SLC38A12: variants seen among roughly 807,000 people sequenced by gnomAD.
The protein encoded by SLC38A12 is putative sodium-coupled neutral amino acid transporter 12.
At chr17:74,784,364 A>G in the SLC38A12 span, among the ~76,000 whole-genome samples, 1 of 152,210 alleles carries the variant, frequency 6.6e-6, no homozygotes, top group African/African-American at 2.4e-5. Context: ...AGCCAGAGTT[A>G]GCCACTAAAG....
chr17:74,809,979 T>C, the SLC38A12 span, among the ~76,000 whole-genome samples: 39 of 152,318 alleles, frequency 2.6e-4, no homozygotes, highest in Admixed American at 5.9e-4. Flanking sequence ...CAGCCCCTGG[T>C]TGCTGAGCTC....
chr17:74,798,052 A>G, the SLC38A12 span, among the ~76,000 whole-genome samples: 1 of 152,186 alleles, frequency 6.6e-6, no homozygotes, highest in Non-Finnish European at 1.5e-5. Flanking sequence ...GATTTCACTC[A>G]GTGTTCAGCA....
chr17:74,826,351 T>C, the SLC38A12 span, among the ~76,000 whole-genome samples: 3 of 152,218 alleles, frequency 2.0e-5, no homozygotes, highest in African/African-American at 7.2e-5. Flanking sequence ...CTCAGTCCTT[T>C]GGGCTAAATA....
the SLC38A12 span, among the ~76,000 whole-genome samples, chr17:74,789,543 CAAAAAAAAA>C: frequency 1.4e-4 from 16 of 110,708 alleles, no homozygotes; most frequent in East Asian, 5.7e-4. Flanking sequence ...GCAAGCATTT[CAAAAAAAAA>C]AAAAAAAAAG....
chr17:74,817,587 G>A, the SLC38A12 span, among the ~76,000 whole-genome samples: 20 of 152,280 alleles, frequency 1.3e-4, no homozygotes, highest in Admixed American at 1.3e-4. Flanking sequence ...ATTAAATAGA[G>A]GGATGCTGTC....
At chr17:74,791,148 G>A in the SLC38A12 span, 2 of 929,468 alleles carry the variant, frequency 2.2e-6, no homozygotes, top group Non-Finnish European at 3.3e-6. Context: ...ATGGGGCAGA[G>A]CAGGTGGTAG....
the SLC38A12 span, among the ~76,000 whole-genome samples, chr17:74,800,388 T>G: frequency 2.0e-5 from 3 of 152,228 alleles, no homozygotes; most frequent in African/African-American, 7.2e-5. Flanking sequence ...AAGGCCAGCT[T>G]TTCCTGGGCA....
At chr17:74,777,222 C>T in the SLC38A12 span, 1 of 1,294,166 alleles carries the variant, frequency 7.7e-7, no homozygotes, top group Non-Finnish European at 1.1e-6. Flanking sequence ...CCACCCCTGT[C>T]TCAGTCCATC....
At chr17:74,795,550 G>A in the SLC38A12 span, 5 of 1,614,108 alleles carry the variant, frequency 3.1e-6, no homozygotes, top group African/African-American at 2.7e-5. Flanking sequence ...GACTCCTGCG[G>A]TGTGGAAGCA....
At chr17:74,815,632 G>A in the SLC38A12 span, among the ~76,000 whole-genome samples, 3 of 152,150 alleles carry the variant, frequency 2.0e-5, no homozygotes, top group Non-Finnish European at 2.9e-5. Context: ...ACGCAGAGTC[G>A]GAGCCTTTCT....
the SLC38A12 span, chr17:74,836,666 C>T: frequency 6.2e-7 from 1 of 1,604,832 alleles, no homozygotes; most frequent in Non-Finnish European, 8.5e-7. This position sits in a 1 kb window ranked among gnomAD's most constrained non-coding sequence, Gnocchi z 4.2. Flanking sequence ...CCAATATCAT[C>T]CTCAGCGAGA....
chr17:74,832,724 C>G, the SLC38A12 span, among the ~76,000 whole-genome samples: 1 of 152,246 alleles, frequency 6.6e-6, no homozygotes, highest in Non-Finnish European at 1.5e-5. Context: ...AAGGGGAGTT[C>G]ACGAAAGCCC....
chr17:74,807,798 A>T, the SLC38A12 span, among the ~76,000 whole-genome samples: 1 of 152,098 alleles, frequency 6.6e-6, no homozygotes, highest in Non-Finnish European at 1.5e-5. Flanking sequence ...TCTGTTCCTC[A>T]CGTCCCACAG....
the SLC38A12 span, among the ~76,000 whole-genome samples, chr17:74,835,539 G>A: frequency 1.9e-4 from 29 of 152,302 alleles, no homozygotes; most frequent in East Asian, 2.5e-3. Context: ...TGCTCCCTGC[G>A]AGGAAGCTGG....
At chr17:74,807,373 G>A in the SLC38A12 span, among the ~76,000 whole-genome samples, 12 of 152,370 alleles carry the variant, frequency 7.9e-5, no homozygotes, top group East Asian at 7.7e-4. Flanking sequence ...CCATCGCAGC[G>A]TGGTTGCTCC....
the SLC38A12 span, chr17:74,788,919 AC>A: frequency 3.8e-5 from 59 of 1,560,964 alleles, no homozygotes; most frequent in Non-Finnish European, 2.0e-5. Flanking sequence ...TCCGTCAGGT[AC>A]CCAGCAGGCG....
the SLC38A12 span, among the ~76,000 whole-genome samples, chr17:74,791,629 G>A: frequency 1.8e-4 from 28 of 152,360 alleles, 1 homozygote; most frequent in Admixed American, 1.2e-3. Flanking sequence ...CTATGCGCAC[G>A]CCTGGGCGTG....
the SLC38A12 span, among the ~76,000 whole-genome samples, chr17:74,781,570 T>C: frequency 6.6e-6 from 1 of 152,324 alleles, no homozygotes; most frequent in East Asian, 1.9e-4. Flanking sequence ...TGAGCCACCA[T>C]ACCTAGCCTA....
the SLC38A12 span, among the ~76,000 whole-genome samples, chr17:74,798,128 C>G: frequency 2.6e-5 from 4 of 152,200 alleles, no homozygotes; most frequent in Admixed American, 6.5e-5. Flanking sequence ...CCTTGTTTGT[C>G]TCAGGTAGAT....
Sources: allele counts gnomAD v4.1 joint callset (sites outside exome capture counted in the v4.1 genomes callset), GRCh38; gene constraint gnomAD v4.1.1; non-coding constraint Gnocchi (gnomAD v3.1); transcripts MANE v1.5; gene names NCBI Gene and HGNC (gene_info 2026-07-23, HGNC 2026-07-21).